The following PIK3C2A variants were observed in gnomAD, a reference collection of about 807,000 sequenced individuals.
The protein encoded by PIK3C2A is phosphatidylinositol 4-phosphate 3-kinase C2 domain-containing subunit alpha.
Under a neutral mutation model 204.5 loss-of-function variants are expected in PIK3C2A, and 97 were observed. The ratio of observed to expected loss-of-function variants is 0.47; its 90% CI spans 0.40 to 0.56. PIK3C2A has a LOEUF of 0.56. Ranked by LOEUF, PIK3C2A falls within the 20% of genes least tolerant of loss-of-function variation. PIK3C2A has a pLI of 0.00. For missense variants in PIK3C2A, 1,735 were observed against 1,969.2 expected, an observed-to-expected ratio of 0.88 and a Z score of 2.25; for synonymous variants, 653 against 664.4, an observed-to-expected ratio of 0.98 and a Z score of 0.26.
intron 32 of PIK3C2A, 127 bp downstream of exon 32, chr11:17,091,207 G>T: frequency 1.3e-6 from 1 of 770,106 alleles, no homozygotes; most frequent in Non-Finnish European, 2.1e-6. Context: ...TGATAGGTAT[G>T]CAGACCACAA....
At position 17,195,337 on chromosome 11, in the gene PIK3C2A, C is replaced by T. The variant is rs554262091; in HGVS notation, c.-66+12511G>A. 8.6e-5 allele frequency among the ~76,000 whole-genome samples: 13 copies of T among 151,768 alleles called. No homozygotes were observed. The South Asian group carries it at 1.5e-3, about 17-fold the overall frequency. ...CTGAGGCAGGAGAATCGCTGGAATC[C>T]GGGAGGCAGAGGTTGCAGTGAGCCG... On this transcript the variant is annotated intron_variant, in intron 1 of 32. Transcript: ENST00000691414.
At position 17,110,101 on chromosome 11, in the gene PIK3C2A, C is replaced by T. The variant is rs192955892; in HGVS notation, c.3544+331G>A. On this transcript the variant is annotated intron_variant, in intron 22 of 32. Coordinates refer to ENST00000691414, the MANE Select transcript of PIK3C2A (RefSeq NM_002645.4). ...CTAAGCAGCTGGGATTACAGGGGCA[C>T]GCCACCACACCTGGCTAATTTTTGC... Among the ~76,000 whole-genome samples the T allele has an allele frequency of 7.1e-4, 108 of 152,096 alleles. 4 individuals are homozygous for T. In the South Asian group the frequency reaches 0.02, roughly 29 times the overall value.
intron 1 of PIK3C2A, among the ~76,000 whole-genome samples, chr11:17,184,115 C>T (rs1402050886): frequency 6.6e-6 from 1 of 151,620 alleles, no homozygotes; most frequent in African/African-American, 2.4e-5. Context: ...GAGTAAGATC[C>T]TGTCTCTAAA....
chr11:17,205,193 C>T (rs1477893610), intron 1 of PIK3C2A, among the ~76,000 whole-genome samples: 2 of 150,470 alleles, frequency 1.3e-5, no homozygotes, highest in East Asian at 3.9e-4. Flanking sequence ...AAAAAAGAGC[C>T]GGGCAGGGTA....
chr11:17,097,231 T>G lies in PIK3C2A; in HGVS notation c.4152A>C (p.Thr1384=). The G allele has an allele frequency of 6.2e-7, 1 of 1,613,734 alleles. No individual in the cohort carries two copies. The highest frequency in any genetic ancestry group is 2.2e-5 in the East Asian group (1 of 44,844). ...LIESSLGSIA[T]KFNFFIHNLA... is the part of the protein sequence containing the mutation. ...GGTTGTGAATGAAGAAGTTAAACTTTGTGGCAATGCTTCCCAAACTTGATT... is the reference window on the plus strand; with the variant it reads ...GGTTGTGAATGAAGAAGTTAAACTTGGTGGCAATGCTTCCCAAACTTGATT... The change falls in exon 27 of 33, where the codon ACA becomes ACC. Residue 1384 remains threonine, a synonymous_variant. Coordinates refer to ENST00000691414, the MANE Select transcript of PIK3C2A (RefSeq NM_002645.4).
intron 8 of PIK3C2A, among the ~76,000 whole-genome samples, chr11:17,140,244 C>A (rs1394145168): frequency 6.6e-6 from 1 of 151,728 alleles, no homozygotes; most frequent in Non-Finnish European, 1.5e-5. Context: ...GTGAGACCTC[C>A]ATTTCTTTAA....
At chr11:17,176,598 G>A (rs909083050) in intron 1 of PIK3C2A, among the ~76,000 whole-genome samples, 4 of 152,032 alleles carry the variant, frequency 2.6e-5, no homozygotes, top group African/African-American at 7.2e-5. Context: ...AGACCAGCGT[G>A]GGCAACATAG....
At chr11:17,110,902 T>C (rs959121979) in intron 21 of PIK3C2A, among the ~76,000 whole-genome samples, 52 of 152,178 alleles carry the variant, frequency 3.4e-4, no homozygotes, top group African/African-American at 1.2e-3. Context: ...TTCAATTATT[T>C]ATTTATTTAT....
chr11:17,194,016 G>C (rs548825178), intron 1 of PIK3C2A: 81 of 380,034 alleles, frequency 2.1e-4, no homozygotes, highest in Admixed American at 1.5e-3. Context: ...AGGGCCTAAA[G>C]AAGATGCAGG....
In PIK3C2A at chr11:17,098,965, G is replaced by A. The variant is rs192020306; in HGVS notation, c.4118+895C>T. Among the ~76,000 whole-genome samples the A allele has an allele frequency of 5.9e-5, 9 of 152,148 alleles. No individual in the cohort carries two copies. In the East Asian group the frequency reaches 9.7e-4, roughly 16 times the overall value. On this transcript the variant is annotated intron_variant, in intron 26 of 32. Coordinates refer to ENST00000691414, the MANE Select transcript of PIK3C2A (RefSeq NM_002645.4). ...GGCTGGAGTGCAATGGCGCAATCTC[G>A]GCTCATCACAACCTCCATCTCCCAG...
chr11:17,138,330 T>A (rs1314444656), intron 8 of PIK3C2A: 3 of 461,716 alleles, frequency 6.5e-6, no homozygotes, highest in Non-Finnish European at 1.2e-5. Flanking sequence ...GCTTCCTTTT[T>A]TTTTTTTTTT....
chr11:17,120,366 T>C (rs1038015352), intron 15 of PIK3C2A, among the ~76,000 whole-genome samples: 3 of 152,096 alleles, frequency 2.0e-5, no homozygotes, highest in Non-Finnish European at 4.4e-5. Context: ...AAAATACTAC[T>C]ATAAAATTTT....
Position 17,155,547 on chromosome 11 carries a change from G to A in PIK3C2A, c.1148C>T (p.Ala383Val), listed in dbSNP as rs746082398. 6.3e-7 allele frequency: 1 copy of A among 1,596,346 alleles called. No homozygotes were observed. Among genetic ancestry groups the A allele is most frequent in the Non-Finnish European group, 8.6e-7 (1 of 1,166,436 alleles). Residue 383 changes from alanine to valine, a missense_variant, in exon 3 of 33, where the codon GCT becomes GTT. By Grantham distance (64) the Ala-to-Val change is moderately conservative. Around this residue, in one of 6 missense-constraint regions of PIK3C2A, gnomAD observed 536 missense variants for 546.7 expected, o/e 0.98. Transcript: ENST00000691414. The part of the protein sequence containing the change: ...EVEVQNEEMA[A>V]FCRSITKLKT... ...TTACTTTGTAATGGATCGACAAAAA[G>A]CTGCCATCTCCTCATTCTGTACTTC...
At chr11:17,194,102 G>C (rs1408333268) in intron 1 of PIK3C2A, 7 of 576,902 alleles carry the variant, frequency 1.2e-5, no homozygotes, top group Non-Finnish European at 1.8e-5. Context: ...GATCCCAAAG[G>C]GTGTCAGCAG....
chr11:17,118,794 C>A, intron 17 of PIK3C2A, 55 bp from the exon 18 acceptor site: 3 of 791,116 alleles, frequency 3.8e-6, no homozygotes, highest in South Asian at 3.3e-5. Flanking sequence ...TAAATTGTTC[C>A]AATAAAACTA....
At chr11:17,098,900 ATC>A (rs957033098) in intron 26 of PIK3C2A, among the ~76,000 whole-genome samples, 27 of 152,128 alleles carry the variant, frequency 1.8e-4, no homozygotes, top group African/African-American at 5.8e-4. Flanking sequence ...TGTCAAGAAG[ATC>A]TGTTTTTTTT....
At chr11:17,175,228 A>G (rs911358144) in intron 1 of PIK3C2A, among the ~76,000 whole-genome samples, 4 of 152,188 alleles carry the variant, frequency 2.6e-5, no homozygotes, top group African/African-American at 7.2e-5. Flanking sequence ...TCACATCACC[A>G]ATGTATTTGC....
rs923969111 is a variant in PIK3C2A, at chr11:17,119,811, T to A, written c.2821A>T (p.Ile941Phe). 7.0e-6 allele frequency: 11 copies of A among 1,562,238 alleles called. No homozygotes were observed. The highest frequency in any genetic ancestry group is 9.5e-6 in the Non-Finnish European group (11 of 1,160,838). ...LHQWPALYPLIALELLDSKFA... is the reference protein window; with the variant it reads ...LHQWPALYPLFALELLDSKFA... ...TTTGAATCAAGAAGTTCCAATGCAA[T>A]TAGTGGGTACAATGCAGGCCACTGG... is the stretch of plus-strand genomic sequence containing the variant. Residue 941 changes from isoleucine (I) to phenylalanine (F), a missense_variant, in exon 16 of 33, where the codon ATT becomes TTT. Ile to Phe is a conservative substitution (Grantham distance 21). Coordinates refer to ENST00000691414, the MANE Select transcript of PIK3C2A (RefSeq NM_002645.4).
intron 2 of PIK3C2A, among the ~76,000 whole-genome samples, chr11:17,168,018 TA>T (rs889916324): frequency 6.7e-6 from 1 of 149,682 alleles, no homozygotes; most frequent in African/African-American, 2.5e-5. Context: ...TATTTGCATT[TA>T]AAAAAAAACA....
Sources: gnomAD v4.1 joint callset for allele counts (sites outside exome capture counted in the v4.1 genomes callset) on GRCh38, gnomAD v4.1.1 for gene constraint, gnomAD v4.1.1 regional missense constraint, MANE v1.5 for transcripts, NCBI Gene and HGNC (gene_info 2026-07-23, HGNC 2026-07-21) for gene names.